Variants in UBOX5 observed in about 807,000 individuals in gnomAD.
UBOX5 encodes the protein U-box domain containing 5.
UBOX5 carries 28 observed loss-of-function variants against 39.0 expected under a neutral mutation model. The observed-to-expected ratio is 0.72, with a 90% CI of 0.53 to 0.98. UBOX5 has a LOEUF of 0.98. UBOX5 is among the 50% of genes least tolerant of loss of function. UBOX5 has a pLI of 0.00. For missense variants in UBOX5, 585 were observed against 674.4 expected, an observed-to-expected ratio of 0.87 and a Z score of 1.47; for synonymous variants, 283 against 275.5, an observed-to-expected ratio of 1.03 and a Z score of -0.27.
At position 3,109,744 on chromosome 20, in the gene UBOX5, A is replaced by G. The variant is rs2066238186; in HGVS notation, c.*362T>C. ...AGAGACTCCTGAGATCTGGGCCACA[A>G]TCTAGGGTGAGCCACCCACAGTGCC... On this transcript the variant is annotated 3_prime_UTR_variant, in exon 5 of 5. Coordinates refer to ENST00000217173, the MANE Select transcript of UBOX5 (RefSeq NM_014948.4). 3.2e-6 allele frequency: 1 copy of G among 307,916 alleles called. No individual in the cohort carries two copies. Among genetic ancestry groups the G allele is most frequent in the Non-Finnish European group, 6.3e-6 (1 of 158,086 alleles). 19.1% of individuals were successfully genotyped at this position (307,916 alleles called of 1,614,324 possible). A position where few individuals can be genotyped will look rare whatever the true frequency, so the allele number is the denominator to read the frequency against.
chr20:3,115,494 T>A, intron 3 of UBOX5, 28 bp from the exon 4 acceptor site: 1 of 1,582,732 alleles, frequency 6.3e-7, no homozygotes, highest in Non-Finnish European at 8.6e-7. Flanking sequence ...CAGCACAACA[T>A]CCAGAGACAG....
rs551173156 is a variant in UBOX5 at position 3,142,789 on chromosome 20, A to G, written c.-42+16977T>C. 4.6e-4 allele frequency among the ~76,000 whole-genome samples: 70 copies of G among 150,760 alleles called. 1 individual carries two copies. Among genetic ancestry groups the G allele is most frequent in the African/African-American group, 1.6e-3 (66 of 41,316 alleles). On this transcript the variant is annotated intron_variant, in intron 1 of 4. Transcript: ENST00000217173. ...CTCTGTCTCAAAAAAAAAAAAAAAA[A>G]AAAGAAAAGTATGTGTATATACCCA...
rs761884591 is a variant in UBOX5 at position 3,122,444 on chromosome 20, C to T, written c.195G>A (p.Arg65=). Reference sequence around the variant, plus strand: ...CCCCAGCTGTGAGGTCTATGTTGATCCTACAGATTTCCACATTAAAGGGAA... The same window carrying T: ...CCCCAGCTGTGAGGTCTATGTTGATTCTACAGATTTCCACATTAAAGGGAA... The part of the protein sequence containing the change: ...VSFPFNVEIC[R]INIDLTAGGG... Residue 65 remains arginine, a synonymous_variant, in exon 3 of 5, where the codon AGG becomes AGA. Coordinates refer to ENST00000217173, the MANE Select transcript of UBOX5 (RefSeq NM_014948.4). The T allele has an allele frequency of 2.5e-6, 4 of 1,614,052 alleles. No homozygotes were observed. The highest frequency in any genetic ancestry group is 1.3e-5 in the African/African-American group (1 of 74,906).
At chr20:3,118,597 C>T (rs992561909) in intron 3 of UBOX5, among the ~76,000 whole-genome samples, 5 of 151,966 alleles carry the variant, frequency 3.3e-5, no homozygotes, top group Admixed American at 6.6e-5. Context: ...AGTGAAACCC[C>T]GTCTCTACTA....
At chr20:3,118,644 C>T (rs934949572) in intron 3 of UBOX5, among the ~76,000 whole-genome samples, 16 of 151,886 alleles carry the variant, frequency 1.1e-4, no homozygotes, top group African/African-American at 1.9e-4. Flanking sequence ...TGCTGGCGGG[C>T]GCCTGTAGTC....
rs756118257 is a variant in UBOX5, at chr20:3,122,102, A to G, written c.537T>C (p.His179=). ...HVAHLRICIT[H]VTGGGIPCIK... is the part of the protein sequence containing the mutation. ...TACAAGGGATACCGCCGCCTGTCAC[A>G]TGGGTGATACAGATCCTTAAGTGGG... Residue 179 remains histidine, a synonymous_variant, in exon 3 of 5, where the codon CAT becomes CAC. Transcript: ENST00000217173. 6.8e-6 allele frequency: 11 copies of G among 1,614,202 alleles called. No homozygotes were observed. The highest frequency in any genetic ancestry group is 9.3e-6 in the Non-Finnish European group (11 of 1,180,030).
Position 3,108,769 on chromosome 20 carries a change from C to T in UBOX5, c.*1337G>A, listed in dbSNP as rs1284828686. 1.3e-5 allele frequency: 2 copies of T among 151,668 alleles called. No homozygotes were observed. Among genetic ancestry groups the T allele is most frequent in the Admixed American group, 1.3e-4 (2 of 15,214 alleles). The allele number at this position is 151,668 out of a possible 1,614,324, so 9.4% of individuals were successfully genotyped here. ...ACAACATAGCAAGACCTTGTCTCTACAAAAAATAAAAAAATTAGCTGGGCA... is the reference window on the plus strand; with the variant it reads ...ACAACATAGCAAGACCTTGTCTCTATAAAAAATAAAAAAATTAGCTGGGCA... On this transcript the variant is annotated 3_prime_UTR_variant, in exon 5 of 5. Coordinates refer to ENST00000217173, the MANE Select transcript of UBOX5 (RefSeq NM_014948.4).
intron 1 of UBOX5, among the ~76,000 whole-genome samples, chr20:3,123,778 TA>T (rs1292596081): frequency 6.6e-6 from 1 of 152,184 alleles, no homozygotes; most frequent in East Asian, 1.9e-4. Context: ...GAAAGGGTCA[TA>T]AAAAATAATT....
chr20:3,137,936 T>C (rs926054696), intron 1 of UBOX5, among the ~76,000 whole-genome samples: 1 of 152,202 alleles, frequency 6.6e-6, no homozygotes, highest in African/African-American at 2.4e-5. Context: ...GTCTTGGCAT[T>C]CATGTCACTT....
chr20:3,159,541 C>T (rs569774340), intron 1 of UBOX5, among the ~76,000 whole-genome samples: 1 of 152,350 alleles, frequency 6.6e-6, no homozygotes, highest in East Asian at 1.9e-4. Context: ...TCAGATAAGC[C>T]CCCTGCCAAA....
chr20:3,157,810 T>C (rs1289839665), intron 1 of UBOX5, among the ~76,000 whole-genome samples: 1 of 152,194 alleles, frequency 6.6e-6, no homozygotes, highest in African/African-American at 2.4e-5. Flanking sequence ...CAATAAACAC[T>C]TGGTTTTATC....
intron 1 of UBOX5, among the ~76,000 whole-genome samples, chr20:3,145,350 G>C (rs2066551011): frequency 6.6e-6 from 1 of 151,558 alleles, no homozygotes; most frequent in South Asian, 2.1e-4. Context: ...ATGGGGTTTT[G>C]CCATGTTGCT....
rs188258984 is a variant in UBOX5 at position 3,113,994 on chromosome 20, C to T, written c.1417+1311G>A. ...ACTAAAAATACAAAAATTAGCTGGG[C>T]GTGGTGGCGGGTGCCTGTAATCCCA... is the stretch of plus-strand genomic sequence containing the variant. On this transcript the variant is annotated intron_variant, in intron 4 of 4. Coordinates refer to ENST00000217173, the MANE Select transcript of UBOX5 (RefSeq NM_014948.4). Among the ~76,000 whole-genome samples, 442 of 152,170 alleles carry T rather than the reference C, an allele frequency of 2.9e-3. 3 individuals are homozygous for T. The highest frequency in any genetic ancestry group is 9.5e-3 in the African/African-American group (394 of 41,518).
intron 1 of UBOX5, among the ~76,000 whole-genome samples, chr20:3,135,164 T>C (rs529670928): frequency 6.6e-6 from 1 of 152,168 alleles, no homozygotes; most frequent in South Asian, 2.1e-4. Flanking sequence ...TAAAAAAACG[T>C]TGGTCAAAAG....
chr20:3,141,189 G>A (rs1313824949), intron 1 of UBOX5, among the ~76,000 whole-genome samples: 2 of 151,926 alleles, frequency 1.3e-5, no homozygotes, highest in East Asian at 3.9e-4. Context: ...AAAGTGCTGG[G>A]ATTATAGATG....
intron 1 of UBOX5, chr20:3,148,246 A>T (rs747564436): frequency 1.2e-6 from 2 of 1,613,394 alleles, no homozygotes; most frequent in Admixed American, 3.3e-5. Context: ...ACAAGGATAG[A>T]TCCTTCCAGT....
At chr20:3,141,321 T>A (rs1208066273) in intron 1 of UBOX5, among the ~76,000 whole-genome samples, 2 of 152,178 alleles carry the variant, frequency 1.3e-5, no homozygotes, top group South Asian at 2.1e-4. Context: ...CTGCATATTA[T>A]ATTTATTGAA....
At chr20:3,145,969 C>G (rs1009845473) in intron 1 of UBOX5, among the ~76,000 whole-genome samples, 7 of 151,696 alleles carry the variant, frequency 4.6e-5, no homozygotes, top group African/African-American at 7.3e-5. Context: ...CTGCCTGAAC[C>G]TGGGAGGCAG....
chr20:3,135,929 C>T (rs538111781), intron 1 of UBOX5: 1 of 152,302 alleles, frequency 6.6e-6, no homozygotes, highest in Non-Finnish European at 1.5e-5. Flanking sequence ...TTAATCCCAA[C>T]ACTTTGGGAG....
Sources: gnomAD v4.1 joint callset for allele counts (sites outside exome capture counted in the v4.1 genomes callset) on GRCh38, gnomAD v4.1.1 for gene constraint, MANE v1.5 for transcripts, NCBI Gene and HGNC (gene_info 2026-07-23, HGNC 2026-07-21) for gene names.